Variants in TAFA2 observed in about 807,000 individuals in gnomAD.
The protein encoded by TAFA2 is TAFA chemokine like family member 2.
In TAFA2, 7 loss-of-function variants were observed where a neutral mutation model predicts 18.8. The observed-to-expected ratio is 0.37, with a 90% CI of 0.21 to 0.70. The LOEUF is 0.70. TAFA2 is among the 30% of genes least tolerant of loss of function. The pLI is 0.53. For synonymous variants in TAFA2, 60 were observed against 54.2 expected, an observed-to-expected ratio of 1.11 and a Z score of -0.47; for missense variants, 122 against 158.1, an observed-to-expected ratio of 0.77 and a Z score of 1.23.
At chr12:61,855,799 C>T (rs924042968) in intron 2 of TAFA2, among the ~76,000 whole-genome samples, 6 of 151,704 alleles carry the variant, frequency 4.0e-5, no homozygotes, top group African/African-American at 7.3e-5. Flanking sequence ...AGAAAGGCAA[C>T]GTGAAAAAGC....
chr12:62,115,720 G>A (rs1414073172), intron 1 of TAFA2, among the ~76,000 whole-genome samples: 1 of 152,184 alleles, frequency 6.6e-6, no homozygotes, highest in Non-Finnish European at 1.5e-5. Context: ...TAACTGCACA[G>A]GAAGGAGAAA....
chr12:62,238,370 A>G (rs940735478), intron 1 of TAFA2, among the ~76,000 whole-genome samples: 1 of 152,174 alleles, frequency 6.6e-6, no homozygotes. Flanking sequence ...GTGAAGCCAG[A>G]TTGCTTCCAC....
At chr12:61,757,823 A>G (rs1869347169) in intron 2 of TAFA2, among the ~76,000 whole-genome samples, 1 of 152,106 alleles carries the variant, frequency 6.6e-6, no homozygotes, top group African/African-American at 2.4e-5. Context: ...AATTAAAAGA[A>G]GAGAAATAAT....
At position 61,761,399 on chromosome 12, in the gene TAFA2, A is replaced by G. The variant is rs535771182; in HGVS notation, c.107-6375T>C. Among the ~76,000 whole-genome samples the G allele has an allele frequency of 7.7e-4, 117 of 152,156 alleles. 2 individuals are homozygous for G. Among genetic ancestry groups the G allele is most frequent in the African/African-American group, 2.8e-3 (115 of 41,552 alleles). ...TCACTTGTGAACCAACCATAAATACATGGGTATGAAAATATGGGTTCACAG... is the reference window on the plus strand; with the variant it reads ...TCACTTGTGAACCAACCATAAATACGTGGGTATGAAAATATGGGTTCACAG... On this transcript the variant is annotated intron_variant, in intron 2 of 4. Transcript: ENST00000416284.
chr12:61,736,599 C>T (rs1232024950), intron 4 of TAFA2, among the ~76,000 whole-genome samples: 1 of 151,976 alleles, frequency 6.6e-6, no homozygotes, highest in Non-Finnish European at 1.5e-5. Context: ...TTGTTACTTA[C>T]AATTGGAATG....
At chr12:61,860,165 T>A (rs1378701620) in intron 2 of TAFA2, among the ~76,000 whole-genome samples, 1 of 152,196 alleles carries the variant, frequency 6.6e-6, no homozygotes, top group East Asian at 1.9e-4. Flanking sequence ...TGAAAAGATG[T>A]CCAAATGTTG....
intron 1 of TAFA2, among the ~76,000 whole-genome samples, chr12:61,927,909 GA>G (rs1450542220): frequency 1.3e-5 from 2 of 152,196 alleles, no homozygotes; most frequent in Non-Finnish European, 2.9e-5. Context: ...AAGCAATGGG[GA>G]AAGCATTCCC....
At chr12:61,738,939 A>G (rs909500711) in intron 4 of TAFA2, among the ~76,000 whole-genome samples, 2 of 152,106 alleles carry the variant, frequency 1.3e-5, no homozygotes, top group African/African-American at 4.8e-5. Flanking sequence ...TATTTGAGTT[A>G]TGAGAAAACT....
At chr12:62,218,886 A>G (rs2062748575) in intron 1 of TAFA2, among the ~76,000 whole-genome samples, 1 of 152,266 alleles carries the variant, frequency 6.6e-6, no homozygotes, top group African/African-American at 2.4e-5. Context: ...GCTGTTACAC[A>G]TTTACATAGG....
intron 1 of TAFA2, among the ~76,000 whole-genome samples, chr12:62,246,347 T>C (rs1013871665): frequency 2.6e-5 from 4 of 152,224 alleles, no homozygotes; most frequent in Non-Finnish European, 4.4e-5. Context: ...TATTTTACCA[T>C]GAACCATTTG....
chr12:61,847,991 C>T (rs1446642992), intron 2 of TAFA2, among the ~76,000 whole-genome samples: 6 of 152,116 alleles, frequency 3.9e-5, no homozygotes, highest in Non-Finnish European at 7.3e-5. Context: ...CTCTGTATAA[C>T]GCCAATCCAG....
chr12:62,205,029 C>G (rs183919845), intron 1 of TAFA2, among the ~76,000 whole-genome samples: 64 of 152,284 alleles, frequency 4.2e-4, no homozygotes, highest in Admixed American at 1.8e-3. Context: ...TTTGTTGATG[C>G]TGTGGTTGTT....
rs1371925993 is a variant in TAFA2, at chr12:62,104,848, T to G, written c.-2+86411A>C. ...GGTGATTTTGAGGCTCAAGTTTGGC[T>G]CCTACGTCTCACAGAAACTGAGAGA... On this transcript the variant is annotated intron_variant, in intron 1 of 4. Coordinates refer to ENST00000416284, the MANE Select transcript of TAFA2 (RefSeq NM_178539.5). 3 of 336,368 alleles carry G rather than the reference T, an allele frequency of 8.9e-6. No homozygotes were observed. The East Asian group carries it at 3.0e-4, about 34-fold the overall frequency. The allele number at this position is 336,368 out of a possible 1,614,324, so 20.8% of individuals were successfully genotyped here.
chr12:61,757,094 CTA>C (rs1262502499), intron 2 of TAFA2, among the ~76,000 whole-genome samples: 1 of 152,018 alleles, frequency 6.6e-6, no homozygotes, highest in East Asian at 1.9e-4. Context: ...CATCATCTAT[CTA>C]TTAGAATTTT....
At chr12:62,228,266 T>C (rs568198236) in intron 1 of TAFA2, among the ~76,000 whole-genome samples, 20 of 152,296 alleles carry the variant, frequency 1.3e-4, no homozygotes, top group Middle Eastern at 3.4e-3. Flanking sequence ...CTCCCACTTA[T>C]AAGTCAGAAC....
chr12:61,872,527 T>C (rs1357886871), intron 1 of TAFA2, among the ~76,000 whole-genome samples: 1 of 152,134 alleles, frequency 6.6e-6, no homozygotes, highest in Non-Finnish European at 1.5e-5. Context: ...CCCACTGGCC[T>C]TATACCTTGC....
chr12:62,044,363 T>C (rs1881852034), intron 1 of TAFA2, among the ~76,000 whole-genome samples: 1 of 151,948 alleles, frequency 6.6e-6, no homozygotes, highest in African/African-American at 2.4e-5. Flanking sequence ...CAAAAAGTGG[T>C]GAGAGGAAAT....
chr12:62,206,270 T>C (rs1001299405), intron 1 of TAFA2, among the ~76,000 whole-genome samples: 2 of 152,206 alleles, frequency 1.3e-5, no homozygotes, highest in African/African-American at 4.8e-5. Flanking sequence ...GACATCTGTC[T>C]TGGATAAGTA....
chr12:62,034,914 G>A (rs989982199), intron 1 of TAFA2, among the ~76,000 whole-genome samples: 11 of 152,254 alleles, frequency 7.2e-5, no homozygotes, highest in Middle Eastern at 3.4e-3. Flanking sequence ...AAAGTTATAT[G>A]TAATTGAGGT....
Sources: allele counts gnomAD v4.1 joint callset (sites outside exome capture counted in the v4.1 genomes callset), GRCh38; gene constraint gnomAD v4.1.1; transcripts MANE v1.5; gene names NCBI Gene and HGNC (gene_info 2026-07-23, HGNC 2026-07-21).